UBE2E3: variants seen among roughly 807,000 people sequenced by gnomAD.
The protein encoded by UBE2E3 is ubiquitin-conjugating enzyme E2 E3.
In UBE2E3, 5 loss-of-function variants were observed where a neutral mutation model predicts 23.6. That is an observed-to-expected ratio of 0.21 (90% CI 0.11 to 0.44). The LOEUF (loss-of-function observed/expected upper bound fraction) is 0.44, where lower values mean the gene tolerates loss of function less well. Ranked by LOEUF, UBE2E3 falls within the 20% of genes least tolerant of loss-of-function variation. The pLI, the probability that UBE2E3 is intolerant of heterozygous loss-of-function variation, is 0.99. For missense variants in UBE2E3, 81 were observed against 249.8 expected (o/e 0.32, Z 4.55); for synonymous variants, 78 against 87.5 (o/e 0.89, Z 0.60).
At chr2:181,061,867 T>C (rs561940432) in intron 5 of UBE2E3, among the ~76,000 whole-genome samples, 58 of 151,598 alleles carry the variant, frequency 3.8e-4, no homozygotes, top group African/African-American at 1.3e-3. Context: ...CAGAGATACA[T>C]ATGCAATAGA....
At chr2:181,042,350 T>C (rs1486177875) in intron 3 of UBE2E3, among the ~76,000 whole-genome samples, 1 of 152,236 alleles carries the variant, frequency 6.6e-6, no homozygotes, top group Non-Finnish European at 1.5e-5. Context: ...TAAGTGGCTG[T>C]GCTCTTCTGG....
chr2:181,054,640 G>C (rs1402112498), intron 3 of UBE2E3, among the ~76,000 whole-genome samples: 1 of 151,734 alleles, frequency 6.6e-6, no homozygotes, highest in Non-Finnish European at 1.5e-5. Context: ...TTCTTTATCA[G>C]GTACATCTTT....
intron 3 of UBE2E3, among the ~76,000 whole-genome samples, chr2:180,999,741 T>C (rs749089702): frequency 6.6e-6 from 1 of 152,198 alleles, no homozygotes; most frequent in African/African-American, 2.4e-5. Flanking sequence ...CAAATGGAAG[T>C]TCAAGTCTTG....
At chr2:181,025,668 A>G (rs1262200358) in intron 3 of UBE2E3, among the ~76,000 whole-genome samples, 5 of 151,920 alleles carry the variant, frequency 3.3e-5, no homozygotes, top group African/African-American at 1.2e-4. Flanking sequence ...TTAATTTTGT[A>G]TTTGAATCAT....
Position 181,032,979 on chromosome 2 carries a change from G to C in UBE2E3, c.246-24714G>C, listed in dbSNP as rs535584042. On this transcript the variant is annotated intron_variant, in intron 3 of 5. Transcript: ENST00000410062. ...TAGGAATCCAACTTACAAGGGATAT[G>C]AAGGACCTCTTCAAGGAGAACTACA... 5.3e-5 allele frequency among the ~76,000 whole-genome samples: 8 copies of C among 152,316 alleles called. No homozygotes were observed. In the South Asian group the frequency reaches 1.7e-3, roughly 32 times the overall value.
At chr2:181,053,510 T>C (rs1686903336) in intron 3 of UBE2E3, among the ~76,000 whole-genome samples, 2 of 151,836 alleles carry the variant, frequency 1.3e-5, no homozygotes, top group Non-Finnish European at 2.9e-5. Flanking sequence ...AAATATTTGC[T>C]TGTTCTAAAA....
intron 3 of UBE2E3, among the ~76,000 whole-genome samples, chr2:181,054,013 A>G (rs1471969117): frequency 6.6e-6 from 1 of 151,744 alleles, no homozygotes; most frequent in African/African-American, 2.4e-5. Context: ...ATATCTTTTC[A>G]TGGCTTGATA....
At chr2:181,008,681 G>T (rs981725849) in intron 3 of UBE2E3, among the ~76,000 whole-genome samples, 20 of 152,158 alleles carry the variant, frequency 1.3e-4, no homozygotes, top group African/African-American at 4.8e-4. Flanking sequence ...GGAGGATGGA[G>T]GATTTCCTTA....
At chr2:181,018,178 G>C (rs1285953283) in intron 3 of UBE2E3, among the ~76,000 whole-genome samples, 1 of 141,596 alleles carries the variant, frequency 7.1e-6, no homozygotes, top group Non-Finnish European at 1.6e-5. Context: ...GTTCTTGAAT[G>C]TATAATAAAA....
At chr2:181,053,097 T>C (rs1043651602) in intron 3 of UBE2E3, among the ~76,000 whole-genome samples, 1 of 151,790 alleles carries the variant, frequency 6.6e-6, no homozygotes, top group African/African-American at 2.4e-5. Context: ...TCCTTATTTT[T>C]ACATCTCTTT....
At chr2:181,036,791 A>T (rs1397306048) in intron 3 of UBE2E3, among the ~76,000 whole-genome samples, 1 of 152,226 alleles carries the variant, frequency 6.6e-6, no homozygotes, top group African/African-American at 2.4e-5. Flanking sequence ...AATGCTTGAT[A>T]TTAGAAATAT....
intron 3 of UBE2E3, among the ~76,000 whole-genome samples, chr2:180,988,260 T>C (rs964609042): frequency 6.6e-6 from 1 of 152,274 alleles, no homozygotes; most frequent in Middle Eastern, 3.4e-3. Context: ...CTCTAGTGCA[T>C]TGACATCTTA....
At chr2:181,020,568 G>T (rs7575113) in intron 3 of UBE2E3, among the ~76,000 whole-genome samples, 1 of 151,920 alleles carries the variant, frequency 6.6e-6, no homozygotes, top group African/African-American at 2.4e-5. Context: ...TATTTCCTTT[G>T]TTTTTAATTC....
chr2:181,019,424 T>C (rs751916962), intron 3 of UBE2E3, among the ~76,000 whole-genome samples: 12 of 152,258 alleles, frequency 7.9e-5, no homozygotes, highest in Non-Finnish European at 1.3e-4. Flanking sequence ...TATAAACTTT[T>C]AAACTTTCAA....
chr2:181,011,355 T>G (rs947226982), intron 3 of UBE2E3, among the ~76,000 whole-genome samples: 10 of 151,844 alleles, frequency 6.6e-5, no homozygotes, highest in African/African-American at 1.9e-4. Context: ...TAGGGAGAGA[T>G]AACTGCACAC....
intron 3 of UBE2E3, among the ~76,000 whole-genome samples, chr2:181,000,521 A>T (rs1196666809): frequency 6.6e-6 from 1 of 151,598 alleles, no homozygotes; most frequent in Non-Finnish European, 1.5e-5. Flanking sequence ...TGAGTTGTAT[A>T]GTGTGGTGGC....
intron 3 of UBE2E3, among the ~76,000 whole-genome samples, chr2:181,004,000 T>A (rs540199171): frequency 6.6e-6 from 1 of 152,350 alleles, no homozygotes; most frequent in Non-Finnish European, 1.5e-5. Flanking sequence ...TTTAGGTCTG[T>A]CTGACTGAAG....
intron 3 of UBE2E3, among the ~76,000 whole-genome samples, chr2:181,028,245 A>G (rs921423871): frequency 1.3e-5 from 2 of 151,994 alleles, no homozygotes; most frequent in Non-Finnish European, 2.9e-5. Flanking sequence ...GCATGTAGCT[A>G]TAGTTAAATT....
intron 3 of UBE2E3, among the ~76,000 whole-genome samples, chr2:180,990,955 GGTA>G (rs1322040231): frequency 2.6e-5 from 4 of 152,134 alleles, no homozygotes. Context: ...GTTTTAGAAA[GGTA>G]GTATGATGTG....
Sources: allele counts gnomAD v4.1 joint callset (sites outside exome capture counted in the v4.1 genomes callset), GRCh38; gene constraint gnomAD v4.1.1; transcripts MANE v1.5; gene names NCBI Gene and HGNC (gene_info 2026-07-23, HGNC 2026-07-21).